The following ZFPM2 variants were observed in gnomAD, a reference collection of about 807,000 sequenced individuals.
ZFPM2 encodes zinc finger protein ZFPM2.
Under a neutral mutation model 98.6 loss-of-function variants are expected in ZFPM2, and 20 were observed. The observed-to-expected ratio is 0.20, with a 90% confidence interval of 0.14 to 0.29. The LOEUF (loss-of-function observed/expected upper bound fraction) is 0.29, where lower values mean the gene tolerates loss of function less well. Among genes scored for constraint, ZFPM2 ranks in the 10% least tolerant of loss-of-function variants. The probability of loss-of-function intolerance (pLI) is 1.00; values close to 1 mark genes in which losing one functional copy is unlikely to be tolerated. For synonymous variants in ZFPM2, 518 were observed against 502.7 expected (o/e 1.03, Z -0.41); for missense variants, 1,310 against 1,388.6 (o/e 0.94, Z 0.90).
At chr8:105,797,818 C>A (rs970963270) in intron 6 of ZFPM2, among the ~76,000 whole-genome samples, 1 of 152,248 alleles carries the variant, frequency 6.6e-6, no homozygotes, top group Non-Finnish European at 1.5e-5. Flanking sequence ...CCACTCCTGC[C>A]ATCAGCCTCT....
intron 4 of ZFPM2, among the ~76,000 whole-genome samples, chr8:105,583,129 A>C (rs1805554085): frequency 6.6e-6 from 1 of 152,148 alleles, no homozygotes. Flanking sequence ...CAGTCTCTTT[A>C]TTCCTTACTG....
At chr8:105,689,232 C>G (rs548564783) in intron 5 of ZFPM2, among the ~76,000 whole-genome samples, 1 of 152,266 alleles carries the variant, frequency 6.6e-6, no homozygotes, top group African/African-American at 2.4e-5. Flanking sequence ...TGTATTCTAT[C>G]AAGTCACACA....
chr8:105,789,547 G>A (rs538657123), intron 6 of ZFPM2, among the ~76,000 whole-genome samples: 8 of 152,036 alleles, frequency 5.3e-5, no homozygotes, highest in African/African-American at 1.4e-4. Flanking sequence ...ATAAACATAC[G>A]TGTGCATGTG....
intron 3 of ZFPM2, among the ~76,000 whole-genome samples, chr8:105,445,493 G>C (rs77637854): frequency 6.8e-4 from 103 of 151,962 alleles, no homozygotes; most frequent in African/African-American, 2.5e-3. Context: ...TCAATGTGGG[G>C]AAAGATTCCC....
chr8:105,554,921 T>C (rs578050339), intron 3 of ZFPM2, among the ~76,000 whole-genome samples: 10 of 152,130 alleles, frequency 6.6e-5, no homozygotes, highest in Non-Finnish European at 1.2e-4. Flanking sequence ...ATTAAAAAAA[T>C]ACAATGTCTT....
intron 4 of ZFPM2, among the ~76,000 whole-genome samples, chr8:105,596,973 T>C (rs1422093026): frequency 6.6e-6 from 1 of 151,948 alleles, no homozygotes; most frequent in Non-Finnish European, 1.5e-5. Context: ...TAAAGTAGAA[T>C]TGAAATTCTA....
rs536249527 is a variant in ZFPM2, at chr8:105,792,786, A to G, written c.739+3862A>G. ...GGGTGCTCCTGTATTGGGTGCATATATATTTAGGATAGTTAGCTCTTCTTG... is the reference window on the plus strand; with the variant it reads ...GGGTGCTCCTGTATTGGGTGCATATGTATTTAGGATAGTTAGCTCTTCTTG... On this transcript the variant is annotated intron_variant, in intron 6 of 7. Coordinates refer to ENST00000407775, the MANE Select transcript of ZFPM2 (RefSeq NM_012082.4). 3.9e-4 allele frequency among the ~76,000 whole-genome samples: 60 copies of G among 152,292 alleles called. 1 individual carries two copies. The highest frequency in any genetic ancestry group is 1.2e-3 in the African/African-American group (51 of 41,566).
chr8:105,735,728 A>G lies in ZFPM2; in HGVS notation c.533-52990A>G, dbSNP rs16873598. On this transcript the variant is annotated intron_variant, in intron 5 of 7. Coordinates refer to ENST00000407775, the MANE Select transcript of ZFPM2 (RefSeq NM_012082.4). Reference sequence around the variant, plus strand: ...ACTTTGAGTCATTTTTAGGTCATCCAAACTTCATTATGGGTGGAAGTGTGA... The same window carrying G: ...ACTTTGAGTCATTTTTAGGTCATCCGAACTTCATTATGGGTGGAAGTGTGA... Among the ~76,000 whole-genome samples the G allele has an allele frequency of 4.8e-3, 730 of 152,120 alleles. 47 individuals carry two copies. In the East Asian group the frequency reaches 0.13, roughly 27 times the overall value.
At chr8:105,590,157 G>C (rs1815811710) in intron 4 of ZFPM2, among the ~76,000 whole-genome samples, 1 of 152,134 alleles carries the variant, frequency 6.6e-6, no homozygotes, top group Non-Finnish European at 1.5e-5. Flanking sequence ...AACTCCAACA[G>C]GTAATTTTGC....
At chr8:105,703,555 A>C (rs1811189735) in intron 5 of ZFPM2, among the ~76,000 whole-genome samples, 1 of 152,126 alleles carries the variant, frequency 6.6e-6, no homozygotes, top group Non-Finnish European at 1.5e-5. Context: ...GGAAATGGGC[A>C]GAATCTCAGT....
chr8:105,708,083 T>A (rs1329976479), intron 5 of ZFPM2, among the ~76,000 whole-genome samples: 2 of 152,158 alleles, frequency 1.3e-5, no homozygotes, highest in Non-Finnish European at 2.9e-5. Flanking sequence ...CCAACAAGAT[T>A]AGGAGGGATC....
chr8:105,754,944 ATATGTG>A (rs1252217452), intron 5 of ZFPM2, among the ~76,000 whole-genome samples: 3 of 122,416 alleles, frequency 2.5e-5, no homozygotes, highest in Admixed American at 8.7e-5. Flanking sequence ...GAGAAATTTA[ATATGTG>A]TGTGTGTGTG....
intron 2 of ZFPM2, among the ~76,000 whole-genome samples, chr8:105,441,627 G>A (rs1327937189): frequency 1.3e-5 from 2 of 152,008 alleles, no homozygotes; most frequent in Non-Finnish European, 2.9e-5. Flanking sequence ...AGAATGTCCA[G>A]GAGACATTAG....
chr8:105,469,993 TA>T (rs954131736), intron 3 of ZFPM2, among the ~76,000 whole-genome samples: 2 of 152,198 alleles, frequency 1.3e-5, no homozygotes, highest in African/African-American at 4.8e-5. Context: ...AATAAGTACT[TA>T]AAATATTAGC....
At chr8:105,554,363 G>A (rs1488145635) in intron 3 of ZFPM2, among the ~76,000 whole-genome samples, 5 of 152,098 alleles carry the variant, frequency 3.3e-5, no homozygotes, top group Non-Finnish European at 7.4e-5. Context: ...GCTGTCAAAT[G>A]GTTAAACCAT....
At chr8:105,603,705 G>T (rs1816140124) in intron 4 of ZFPM2, among the ~76,000 whole-genome samples, 4 of 152,024 alleles carry the variant, frequency 2.6e-5, no homozygotes, top group Admixed American at 2.0e-4. Flanking sequence ...TGTAATTTAG[G>T]CAAGTTAGTT....
chr8:105,412,448 A>G (rs1467384973), intron 1 of ZFPM2, among the ~76,000 whole-genome samples: 1 of 151,830 alleles, frequency 6.6e-6, no homozygotes, highest in Non-Finnish European at 1.5e-5. Context: ...TCAATTATAT[A>G]TAAGAAATAA....
intron 5 of ZFPM2, among the ~76,000 whole-genome samples, chr8:105,719,843 G>GTAA (rs1811616022): frequency 6.6e-6 from 1 of 151,770 alleles, no homozygotes; most frequent in African/African-American, 2.4e-5. Flanking sequence ...CCATACCAGT[G>GTAA]GTCTTTTGTG....
chr8:105,359,926 G>A (rs1586315766), intron 1 of ZFPM2, among the ~76,000 whole-genome samples: 1 of 152,180 alleles, frequency 6.6e-6, no homozygotes, highest in African/African-American at 2.4e-5. Flanking sequence ...GCTATGATGA[G>A]CAAGGGAAAG....
Sources: gnomAD v4.1 joint callset for allele counts (sites outside exome capture counted in the v4.1 genomes callset) on GRCh38, gnomAD v4.1.1 for gene constraint, MANE v1.5 for transcripts, NCBI Gene and HGNC (gene_info 2026-07-23, HGNC 2026-07-21) for gene names.